Variants in ADAM9 observed in about 807,000 individuals in gnomAD.
ADAM9 encodes the protein disintegrin and metalloproteinase domain-containing protein 9.
ADAM9 carries 54 observed loss-of-function variants against 108.1 expected under a neutral mutation model. That is an observed-to-expected ratio of 0.50 (90% CI 0.40 to 0.63). The LOEUF is 0.63. ADAM9 is among the 20% of genes least tolerant of loss of function. The pLI is 0.00. For missense variants in ADAM9, 830 were observed against 997.7 expected (o/e 0.83, Z 2.26); for synonymous variants, 316 against 336.0 (o/e 0.94, Z 0.65).
chr8:39,008,703 G>A (rs984394671), intron 2 of ADAM9, among the ~76,000 whole-genome samples: 1 of 152,088 alleles, frequency 6.6e-6, no homozygotes, highest in East Asian at 1.9e-4. Context: ...CACTGACGGT[G>A]GAGAGTGATA....
intron 14 of ADAM9, among the ~76,000 whole-genome samples, chr8:39,059,058 A>C (rs1466456919): frequency 6.6e-6 from 1 of 152,186 alleles, no homozygotes. Flanking sequence ...GTGGGGAAGG[A>C]ACATGGTAAG....
chr8:39,039,031 A>G (rs77740692), intron 11 of ADAM9, among the ~76,000 whole-genome samples: 2,152 of 152,304 alleles, frequency 0.014, 21 homozygotes, highest in South Asian at 0.022. Context: ...TCCAAGAGGC[A>G]GGAGTCAGTA....
rs568131205 is a variant in ADAM9, at chr8:39,068,840, C to T, written c.1592-2458C>T. Among the ~76,000 whole-genome samples the T allele has an allele frequency of 7.2e-5, 11 of 152,128 alleles. No individual in the cohort carries two copies. In the South Asian group the frequency reaches 2.3e-3, roughly 32 times the overall value. ...TTTAGAAGAGTTTCTGTGCCTGTTACTGTGCCTGGTATCTCTTGAGTCCTG... is the reference window on the plus strand; with the variant it reads ...TTTAGAAGAGTTTCTGTGCCTGTTATTGTGCCTGGTATCTCTTGAGTCCTG... On this transcript the variant is annotated intron_variant, in intron 14 of 21. Coordinates refer to ENST00000487273, the MANE Select transcript of ADAM9 (RefSeq NM_003816.3).
chr8:39,007,438 G>A (rs923016480), intron 1 of ADAM9, among the ~76,000 whole-genome samples: 4 of 152,184 alleles, frequency 2.6e-5, no homozygotes, highest in African/African-American at 9.7e-5. Context: ...AGTATCATCT[G>A]AGAGGATGTT....
At chr8:39,099,319 T>TC (rs1209756202) in intron 20 of ADAM9, among the ~76,000 whole-genome samples, 1 of 152,198 alleles carries the variant, frequency 6.6e-6, no homozygotes, top group Non-Finnish European at 1.5e-5. Context: ...TTGGACTCTT[T>TC]CATACGTTCT....
At chr8:39,018,482 A>G (rs187499360) in intron 6 of ADAM9, 47 of 217,332 alleles carry the variant, frequency 2.2e-4, no homozygotes, top group African/African-American at 9.3e-4. Flanking sequence ...GTGTGTTTGC[A>G]TGTGTGTGTG....
At chr8:39,068,665 A>G (rs1838572208) in intron 14 of ADAM9, among the ~76,000 whole-genome samples, 2 of 126,424 alleles carry the variant, frequency 1.6e-5, no homozygotes, top group South Asian at 5.9e-4. Context: ...ACAAGAGTGA[A>G]ACTTCTCCTC....
At chr8:39,005,749 AT>A (rs1836141386) in intron 1 of ADAM9, among the ~76,000 whole-genome samples, 1 of 152,322 alleles carries the variant, frequency 6.6e-6, no homozygotes, top group East Asian at 1.9e-4. Flanking sequence ...CCTGTCCTCC[AT>A]TTTCATTAAA....
Position 39,024,465 on chromosome 8 carries a change from T to C in ADAM9, c.914+1140T>C, listed in dbSNP as rs546229276. 4.6e-5 allele frequency among the ~76,000 whole-genome samples: 7 copies of C among 152,258 alleles called. 1 individual carries two copies. The South Asian group carries it at 1.5e-3, about 32-fold the overall frequency. ...ATGCTTGATGATTTTTAGTTGTTTG[T>C]TTACAGTTGAGAATGGGGTCCCGAA... On this transcript the variant is annotated intron_variant, in intron 9 of 21. Coordinates refer to ENST00000487273, the MANE Select transcript of ADAM9 (RefSeq NM_003816.3).
chr8:39,002,666 A>G (rs1836039201), intron 1 of ADAM9, among the ~76,000 whole-genome samples: 1 of 152,100 alleles, frequency 6.6e-6, no homozygotes, highest in African/African-American at 2.4e-5. Flanking sequence ...TACTACAATT[A>G]CTATTATGAA....
At chr8:39,041,841 T>C in intron 11 of ADAM9, 105 bp from the exon 12 acceptor site, 1 of 1,039,768 alleles carries the variant, frequency 9.6e-7, no homozygotes, top group South Asian at 1.4e-5. Context: ...TAGCTTCTTT[T>C]CTGTCATTTA....
At chr8:39,062,975 C>A (rs943182147) in intron 14 of ADAM9, among the ~76,000 whole-genome samples, 1 of 152,200 alleles carries the variant, frequency 6.6e-6, no homozygotes, top group Non-Finnish European at 1.5e-5. Context: ...CCTTTTGATT[C>A]ACATTTCAGC....
intron 4 of ADAM9, chr8:39,014,858 G>C (rs1836476281): frequency 6.5e-6 from 2 of 307,362 alleles, no homozygotes; most frequent in South Asian, 1.3e-4. Context: ...CAAAAACCAA[G>C]GAAATGCTGA....
intron 4 of ADAM9, chr8:39,014,612 A>C (rs1270001179): frequency 1.4e-6 from 1 of 701,148 alleles, no homozygotes; most frequent in Non-Finnish European, 2.6e-6. Flanking sequence ...GAGCATAAAC[A>C]TTTCTAGTTT....
intron 8 of ADAM9, among the ~76,000 whole-genome samples, chr8:39,022,555 G>A (rs567225498): frequency 3.9e-5 from 6 of 152,208 alleles, no homozygotes; most frequent in Admixed American, 3.3e-4. Context: ...CTATGAATGG[G>A]CTTGCATTAT....
At chr8:39,088,739 A>T (rs996616410) in intron 18 of ADAM9, among the ~76,000 whole-genome samples, 2 of 152,220 alleles carry the variant, frequency 1.3e-5, no homozygotes, top group Admixed American at 1.3e-4. Context: ...TAAAAATAAG[A>T]TTGATAAATT....
rs11420960 is a variant in ADAM9 at position 39,003,485 on chromosome 8, TA to T, written c.98-4387del. Among the ~76,000 whole-genome samples, 424 of 146,184 alleles carry T rather than the reference TA, an allele frequency of 2.9e-3. 2 individuals carry two copies. Among genetic ancestry groups the T allele is most frequent in the African/African-American group, 9.8e-3 (392 of 40,088 alleles). ...TGAGAAACTGCTACTATTTGGAATT[TA>T]AAAAAAAAAAAAACAACTAAAGGGA... On this transcript the variant is annotated intron_variant, in intron 1 of 21. Transcript: ENST00000487273.
chr8:39,037,834 A>G (rs1837334968), intron 11 of ADAM9, among the ~76,000 whole-genome samples: 1 of 152,202 alleles, frequency 6.6e-6, no homozygotes, highest in Admixed American at 6.5e-5. Flanking sequence ...TTGTTTATCA[A>G]ATAATTATTT....
At chr8:39,018,358 A>T (rs1836615570) in intron 6 of ADAM9, among the ~76,000 whole-genome samples, 1 of 152,226 alleles carries the variant, frequency 6.6e-6, no homozygotes, top group Non-Finnish European at 1.5e-5. Context: ...GTAAAATGAC[A>T]AAACTAGTCA....
Sources: gnomAD v4.1 joint callset for allele counts (sites outside exome capture counted in the v4.1 genomes callset) on GRCh38, gnomAD v4.1.1 for gene constraint, MANE v1.5 for transcripts, NCBI Gene and HGNC (gene_info 2026-07-23, HGNC 2026-07-21) for gene names.